The following PCDHA9 variants were observed in gnomAD, a reference collection of about 807,000 sequenced individuals.
The protein encoded by PCDHA9 is protocadherin alpha-9.
PCDHA9 carries 62 observed loss-of-function variants against 62.0 expected under a neutral mutation model. The ratio of observed to expected loss-of-function variants is 1.00; its 90% CI spans 0.81 to 1.23. The LOEUF (loss-of-function observed/expected upper bound fraction) is 1.23, where lower values mean the gene tolerates loss of function less well. Ranked by LOEUF, PCDHA9 falls within the 50% of genes most tolerant of loss-of-function variation. PCDHA9 has a pLI of 0.00. For missense variants in PCDHA9, 1,205 were observed against 1,249.8 expected, an observed-to-expected ratio of 0.96 and a Z score of 0.54; for synonymous variants, 557 against 567.6, an observed-to-expected ratio of 0.98 and a Z score of 0.27.
intron 1 of PCDHA9, among the ~76,000 whole-genome samples, chr5:140,906,677 A>C (rs1239152358): frequency 6.6e-6 from 1 of 152,134 alleles, no homozygotes; most frequent in Admixed American, 6.5e-5. Context: ...CCAAACCTTC[A>C]TTCCTGAAGG....
chr5:140,877,821 T>C (rs2057358206), intron 1 of PCDHA9: 1 of 1,603,226 alleles, frequency 6.2e-7, no homozygotes, highest in East Asian at 2.2e-5. Flanking sequence ...GAGAAGATTG[T>C]TTAAATCCTC....
chr5:140,945,022 A>G (rs926595272), intron 1 of PCDHA9, among the ~76,000 whole-genome samples: 2 of 152,140 alleles, frequency 1.3e-5, no homozygotes, highest in Non-Finnish European at 2.9e-5. Flanking sequence ...TTTTTTACTC[A>G]GACATAATTA....
intron 1 of PCDHA9, among the ~76,000 whole-genome samples, chr5:140,893,884 G>T (rs189719076): frequency 6.6e-6 from 1 of 152,296 alleles, no homozygotes; most frequent in Non-Finnish European, 1.5e-5. Flanking sequence ...AAAGTGGCCA[G>T]AAAGTTACTT....
At chr5:140,851,891 A>T (rs1554145590) in intron 1 of PCDHA9, 4 of 976,308 alleles carry the variant, frequency 4.1e-6, no homozygotes, top group East Asian at 1.1e-4. Flanking sequence ...TGGATATGAG[A>T]TTTGCCTCTT....
rs2150484212 is a variant in PCDHA9 at position 140,850,434 on chromosome 5, C to T, written c.1939C>T (p.Leu647=). ...CGAAACGGACGCACCGCGCCAGCGC[C>T]TACTGGTGCTGGTGAAAGACCACGG... ...LDETDAPRQR[L]LVLVKDHGEP... is the part of the protein sequence containing the mutation. Residue 647 remains leucine (L), a synonymous_variant, in exon 1 of 4, where the codon CTA becomes TTA. Transcript: ENST00000532602. 1.9e-6 allele frequency: 3 copies of T among 1,597,894 alleles called. No individual in the cohort carries two copies. Among genetic ancestry groups the T allele is most frequent in the Non-Finnish European group, 1.7e-6 (2 of 1,167,748 alleles).
intron 1 of PCDHA9, among the ~76,000 whole-genome samples, chr5:140,974,689 T>A (rs2153804618): frequency 1.3e-5 from 2 of 152,208 alleles, no homozygotes; most frequent in South Asian, 4.1e-4. Flanking sequence ...TTTTGTATTT[T>A]TGGGTTTCAC....
At chr5:140,855,988 C>T (rs1554148065) in intron 1 of PCDHA9, 4 of 1,481,966 alleles carry the variant, frequency 2.7e-6, no homozygotes, top group African/African-American at 1.4e-5. Flanking sequence ...CAGAAAATGT[C>T]AGATCGTATG....
chr5:140,892,384 A>T (rs1313796499), intron 1 of PCDHA9, among the ~76,000 whole-genome samples: 1 of 152,162 alleles, frequency 6.6e-6, no homozygotes, highest in Non-Finnish European at 1.5e-5. Flanking sequence ...AATCATGGGT[A>T]ATCTTAATCT....
chr5:140,968,714 G>A, intron 1 of PCDHA9: 1 of 1,614,150 alleles, frequency 6.2e-7, no homozygotes, highest in South Asian at 1.1e-5. Flanking sequence ...GAAGATGGGA[G>A]ATGAGAGTGG....
At chr5:140,989,105 T>A (rs550881823) in intron 3 of PCDHA9, 1 of 152,350 alleles carries the variant, frequency 6.6e-6, no homozygotes, top group Non-Finnish European at 1.5e-5. Context: ...GAAACAACTT[T>A]TGAATATATC....
intron 3 of PCDHA9, among the ~76,000 whole-genome samples, chr5:141,000,775 C>G (rs919489031): frequency 5.3e-5 from 8 of 151,752 alleles, no homozygotes; most frequent in African/African-American, 1.9e-4. Context: ...GGCATAGTGG[C>G]GCACACCTGT....
chr5:141,011,084 C>A lies in PCDHA9; in HGVS notation c.*1147C>A, dbSNP rs928216799. Reference sequence around the variant, plus strand: ...CATGTATTACTAAATAAAATGATCTCTCTTTCTCTCTCTCTCTCTCTTTTC... The same window carrying A: ...CATGTATTACTAAATAAAATGATCTATCTTTCTCTCTCTCTCTCTCTTTTC... On this transcript the variant is annotated 3_prime_UTR_variant, in exon 4 of 4. Transcript: ENST00000532602. 1.3e-5 allele frequency: 2 copies of A among 153,722 alleles called. No individual in the cohort carries two copies. The highest frequency in any genetic ancestry group is 2.9e-5 in the Non-Finnish European group (2 of 68,048). The allele number at this position is 153,722 out of a possible 1,614,324, so 9.5% of individuals were successfully genotyped here.
In PCDHA9 at chr5:141,009,796, T is replaced by C; in HGVS notation, c.2712T>C (p.Thr904=). The C allele has an allele frequency of 6.2e-7, 1 of 1,614,046 alleles. No individual in the cohort carries two copies. The highest frequency in any genetic ancestry group is 8.5e-7 in the Non-Finnish European group (1 of 1,180,016). Residue 904 remains threonine (T), a synonymous_variant, in exon 4 of 4, where the codon ACT becomes ACC. Coordinates refer to ENST00000532602, the MANE Select transcript of PCDHA9 (RefSeq NM_031857.2). ...PAIISIRQEP[T]NSQIDKSDFI... ...TCATCTCCATCCGGCAGGAGCCTACTAACAGCCAAATTGACAAAAGTGACT... is the reference window on the plus strand; with the variant it reads ...TCATCTCCATCCGGCAGGAGCCTACCAACAGCCAAATTGACAAAAGTGACT...
chr5:140,993,449 C>T (rs2097557237), intron 3 of PCDHA9, among the ~76,000 whole-genome samples: 1 of 144,318 alleles, frequency 6.9e-6, no homozygotes, highest in Non-Finnish European at 1.5e-5. Context: ...TTCCTGTTCT[C>T]CTTCTTTCTT....
intron 1 of PCDHA9, among the ~76,000 whole-genome samples, chr5:140,886,840 A>G (rs1175023921): frequency 4.0e-5 from 6 of 151,546 alleles, no homozygotes; most frequent in South Asian, 2.1e-4. Context: ...AAAAAAAAAA[A>G]AAAAAAAGAA....
chr5:140,978,989 T>G lies in PCDHA9; in HGVS notation c.2435T>G (p.Leu812Arg). 1 of 1,614,212 alleles carries G rather than the reference T, an allele frequency of 6.2e-7. No individual in the cohort carries two copies. Among genetic ancestry groups the G allele is most frequent in the Non-Finnish European group, 8.5e-7 (1 of 1,180,034 alleles). Residue 812 changes from leucine to arginine, a missense_variant, in exon 2 of 4, where the codon CTG (leucine) becomes CGG (arginine). Transcript: ENST00000532602. Reference protein sequence around the residue: ...PNPDWRYSASLRAGMHSSVHL... With the variant: ...PNPDWRYSASRRAGMHSSVHL... ...CCTGACTGGCGTTACTCTGCCTCCC[T>G]GAGAGCAGGCATGCACAGGTATGTA...
At chr5:140,871,057 G>A (rs1554165044) in intron 1 of PCDHA9, 7 of 1,613,300 alleles carry the variant, frequency 4.3e-6, no homozygotes, top group Non-Finnish European at 5.9e-6. Flanking sequence ...ACTGGTGAAG[G>A]ATCACGGTGA....
At chr5:140,928,008 T>C in intron 1 of PCDHA9, 1 of 1,614,158 alleles carries the variant, frequency 6.2e-7, no homozygotes, top group Non-Finnish European at 8.5e-7. Context: ...TCGATTCTAA[T>C]GGTAGGGTCA....
intron 1 of PCDHA9, among the ~76,000 whole-genome samples, chr5:140,945,853 A>G (rs782332952): frequency 6.6e-6 from 1 of 152,190 alleles, no homozygotes; most frequent in Non-Finnish European, 1.5e-5. Flanking sequence ...AAAGACTTAA[A>G]CATAGACCTG....
Sources: gnomAD v4.1 joint callset for allele counts (sites outside exome capture counted in the v4.1 genomes callset) on GRCh38, gnomAD v4.1.1 for gene constraint, MANE v1.5 for transcripts, NCBI Gene and HGNC (gene_info 2026-07-23, HGNC 2026-07-21) for gene names.